Variants in IL1RAPL2 observed in about 807,000 individuals in gnomAD.
IL1RAPL2 encodes interleukin 1 receptor accessory protein like 2, also known as X-linked interleukin-1 receptor accessory protein-like 2.
In IL1RAPL2, 3 loss-of-function variants were observed where a neutral mutation model predicts 44.1. That is an observed-to-expected ratio of 0.07 (90% CI 0.03 to 0.18). The LOEUF (loss-of-function observed/expected upper bound fraction) is 0.18, where lower values mean the gene tolerates loss of function less well. IL1RAPL2 is among the 10% of genes least tolerant of loss of function. The pLI is 1.00. For synonymous variants in IL1RAPL2, 181 were observed against 178.8 expected, an observed-to-expected ratio of 1.01 and a Z score of -0.10; for missense variants, 391 against 496.4, an observed-to-expected ratio of 0.79 and a Z score of 2.02.
chrX:104,937,374 T>C (rs778938134), intron 2 of IL1RAPL2, among the ~76,000 whole-genome samples: 5 of 112,266 alleles, frequency 4.5e-5, no homozygotes, highest in Admixed American at 9.4e-5. Context: ...AAGCTAGATA[T>C]CTTCCACGCT....
chrX:104,793,117 C>T (rs1418714979), intron 2 of IL1RAPL2, among the ~76,000 whole-genome samples: 1 of 112,342 alleles, frequency 8.9e-6, no homozygotes, highest in African/African-American at 3.2e-5. Context: ...CTCAAGAATT[C>T]TGTTGGTCCA....
chrX:105,532,195 A>C (rs1366819041), intron 6 of IL1RAPL2, among the ~76,000 whole-genome samples: 2 of 111,526 alleles, frequency 1.8e-5, no homozygotes, highest in Non-Finnish European at 3.8e-5. Flanking sequence ...TTGATTCTAG[A>C]CTTTTTCAGC....
chrX:105,764,502 G>GAT lies in IL1RAPL2; in HGVS notation c.1364-2460_1364-2459dup, dbSNP rs1444875844. Among the ~76,000 whole-genome samples the GAT allele has an allele frequency of 5.4e-5, 6 of 111,888 alleles. No homozygotes were observed. The Admixed American group carries it at 5.7e-4, about 11-fold the overall frequency. ...GGTTGTAATTTCTTTTCTTTAAGTT[G>GAT]ATAGACTCATGTATAGATATAGCTT... On this transcript the variant is annotated intron_variant, in intron 10 of 10. Coordinates refer to ENST00000372582, the MANE Select transcript of IL1RAPL2 (RefSeq NM_017416.2).
chrX:104,595,050 T>C (rs1205080870), intron 1 of IL1RAPL2, among the ~76,000 whole-genome samples: 3 of 111,597 alleles, frequency 2.7e-5, no homozygotes, highest in Non-Finnish European at 5.6e-5. Context: ...CAATCAAATT[T>C]ATGTTTTGAA....
chrX:104,955,481 T>G (rs1210216661), intron 2 of IL1RAPL2, among the ~76,000 whole-genome samples: 1 of 105,893 alleles, frequency 9.4e-6, no homozygotes, highest in South Asian at 4.0e-4. Context: ...TACTCCCAGA[T>G]ATATATATAT....
chrX:104,673,068 A>G (rs994427581), intron 2 of IL1RAPL2, among the ~76,000 whole-genome samples: 8 of 111,595 alleles, frequency 7.2e-5, no homozygotes, highest in African/African-American at 1.6e-4. Context: ...TCTGATGGTC[A>G]TTTCTTTTGC....
intron 5 of IL1RAPL2, among the ~76,000 whole-genome samples, chrX:105,342,332 T>A (rs377409672): frequency 2.7e-5 from 3 of 111,469 alleles, no homozygotes; most frequent in Non-Finnish European, 5.6e-5. Context: ...AAAGAAAAAA[T>A]TATTATCTGT....
At chrX:105,100,210 T>A (rs1245580040) in intron 2 of IL1RAPL2, among the ~76,000 whole-genome samples, 1 of 111,984 alleles carries the variant, frequency 8.9e-6, no homozygotes, top group Non-Finnish European at 1.9e-5. Flanking sequence ...ATATAAGGTT[T>A]GGTACTATCC....
At chrX:105,595,771 AG>A (rs2037205102) in intron 6 of IL1RAPL2, among the ~76,000 whole-genome samples, 1 of 111,209 alleles carries the variant, frequency 9.0e-6, no homozygotes, top group African/African-American at 3.3e-5. Context: ...GATAAAATTC[AG>A]CCATAAAGCC....
intron 6 of IL1RAPL2, among the ~76,000 whole-genome samples, chrX:105,695,918 A>G (rs896629344): frequency 8.9e-6 from 1 of 112,088 alleles, no homozygotes; most frequent in African/African-American, 3.2e-5. Flanking sequence ...CTGTGCTGCA[A>G]TGTCTGCATA....
At chrX:105,644,688 A>T (rs1274047198) in intron 6 of IL1RAPL2, among the ~76,000 whole-genome samples, 1 of 110,803 alleles carries the variant, frequency 9.0e-6, no homozygotes, top group East Asian at 2.9e-4. Context: ...TATATGTACC[A>T]TGGTGGTTTG....
At chrX:104,835,408 G>C (rs1451748459) in intron 2 of IL1RAPL2, among the ~76,000 whole-genome samples, 1 of 111,232 alleles carries the variant, frequency 9.0e-6, no homozygotes, top group Non-Finnish European at 1.9e-5. Flanking sequence ...TTTAACTTTG[G>C]TGTTTAAGTC....
rs188246306 is a variant in IL1RAPL2 at position 104,662,146 on chromosome X, G to C, written c.82+3151G>C. ...TTTGGTTTTGGAGGTTGGTTTGTTTGTTTTAATCTACTCTGGGCACATATT... is the reference window on the plus strand; with the variant it reads ...TTTGGTTTTGGAGGTTGGTTTGTTTCTTTTAATCTACTCTGGGCACATATT... On this transcript the variant is annotated intron_variant, in intron 2 of 10. Transcript: ENST00000372582. Among the ~76,000 whole-genome samples the C allele has an allele frequency of 1.2e-4, 13 of 112,016 alleles. No homozygotes were observed. In the East Asian group the frequency reaches 3.4e-3, roughly 29 times the overall value.
At chrX:104,656,660 G>C (rs1930270253) in intron 1 of IL1RAPL2, among the ~76,000 whole-genome samples, 1 of 111,651 alleles carries the variant, frequency 9.0e-6, no homozygotes. Flanking sequence ...TGTTGATTTG[G>C]GGTGTAGAGT....
intron 2 of IL1RAPL2, among the ~76,000 whole-genome samples, chrX:104,765,957 G>A (rs964038113): frequency 1.8e-5 from 2 of 112,118 alleles, no homozygotes; most frequent in Non-Finnish European, 3.8e-5. Flanking sequence ...CTCTATCAAA[G>A]TGTTTTCCAA....
intron 2 of IL1RAPL2, among the ~76,000 whole-genome samples, chrX:105,119,471 C>T (rs2032898028): frequency 9.0e-6 from 1 of 111,474 alleles, no homozygotes; most frequent in South Asian, 3.8e-4. Flanking sequence ...CTGCATTCTA[C>T]AAAATGGCTT....
At chrX:104,900,291 T>G (rs1031753269) in intron 2 of IL1RAPL2, among the ~76,000 whole-genome samples, 1 of 111,802 alleles carries the variant, frequency 8.9e-6, no homozygotes, top group Non-Finnish European at 1.9e-5. Flanking sequence ...ATTGTTTTGT[T>G]TATCACATCA....
intron 5 of IL1RAPL2, among the ~76,000 whole-genome samples, chrX:105,368,959 T>C (rs978132591): frequency 3.7e-5 from 4 of 108,950 alleles, no homozygotes; most frequent in Non-Finnish European, 7.6e-5. Context: ...AAGTCTGATG[T>C]TGAACCTCTT....
intron 5 of IL1RAPL2, among the ~76,000 whole-genome samples, chrX:105,324,536 T>TTATA (rs10654697): frequency 4.5e-5 from 5 of 110,270 alleles, no homozygotes; most frequent in African/African-American, 1.7e-4. Flanking sequence ...TTTAGCATAG[T>TTATA]TATATATATA....
Sources: allele counts gnomAD v4.1 joint callset (sites outside exome capture counted in the v4.1 genomes callset), GRCh38; gene constraint gnomAD v4.1.1; transcripts MANE v1.5; gene names NCBI Gene and HGNC (gene_info 2026-07-23, HGNC 2026-07-21).